The following MACROD2 variants were observed in gnomAD, a reference collection of about 807,000 sequenced individuals.
MACROD2 encodes the protein mono-ADP ribosylhydrolase 2, also known as ADP-ribose glycohydrolase MACROD2.
Under a neutral mutation model 70.4 loss-of-function variants are expected in MACROD2, and 36 were observed. The ratio of observed to expected loss-of-function variants is 0.51; its 90% confidence interval spans 0.39 to 0.68. MACROD2 has a LOEUF of 0.68. MACROD2 is among the 30% of genes least tolerant of loss of function. The probability of loss-of-function intolerance (pLI) is 0.00; values close to 1 mark genes in which losing one functional copy is unlikely to be tolerated. For missense variants in MACROD2, 496 were observed against 538.4 expected (o/e 0.92, Z 0.78); for synonymous variants, 172 against 178.8 (o/e 0.96, Z 0.30).
intron 5 of MACROD2, among the ~76,000 whole-genome samples, chr20:14,816,295 C>T (rs142556681): frequency 6.9e-4 from 105 of 152,046 alleles, no homozygotes; most frequent in African/African-American, 2.4e-3. Context: ...CTCTGATTTC[C>T]AAACATCTGT....
intron 5 of MACROD2, among the ~76,000 whole-genome samples, chr20:14,771,461 T>C (rs1436701030): frequency 1.3e-5 from 2 of 151,972 alleles, no homozygotes; most frequent in Non-Finnish European, 2.9e-5. Flanking sequence ...ACCCAAAGAA[T>C]TTTATTTTCA....
Position 14,026,374 on chromosome 20 carries a change from A to T in MACROD2, c.163+23970A>T, listed in dbSNP as rs143925338. Reference sequence around the variant, plus strand: ...GTTAATATTGTTATGTGTAAATTTGATCCTGTCATTATGATGGTAGCTGGT... The same window carrying T: ...GTTAATATTGTTATGTGTAAATTTGTTCCTGTCATTATGATGGTAGCTGGT... On this transcript the variant is annotated intron_variant, in intron 2 of 17. Coordinates refer to ENST00000684519, the MANE Select transcript of MACROD2 (RefSeq NM_001351661.2). Among the ~76,000 whole-genome samples the T allele has an allele frequency of 4.2e-3, 634 of 152,268 alleles. 3 individuals are homozygous for T. The highest frequency in any genetic ancestry group is 7.1e-3 in the Non-Finnish European group (485 of 68,030).
intron 4 of MACROD2, among the ~76,000 whole-genome samples, chr20:14,604,312 G>A (rs1280881650): frequency 6.6e-6 from 1 of 152,156 alleles, no homozygotes; most frequent in East Asian, 1.9e-4. Context: ...GCTTCCAACT[G>A]TCACACAGTG....
At chr20:15,904,880 CAAAAAAAAAAAAA>C (rs10556594) in intron 10 of MACROD2, among the ~76,000 whole-genome samples, 6 of 129,020 alleles carry the variant, frequency 4.7e-5, no homozygotes, top group Admixed American at 7.9e-5. Context: ...GACTCTGTCT[CAAAAAAAAAAAAA>C]AAAAAAAAAA....
chr20:14,159,600 T>A (rs967990717), intron 3 of MACROD2, among the ~76,000 whole-genome samples: 52 of 152,368 alleles, frequency 3.4e-4, no homozygotes, highest in African/African-American at 1.2e-3. Flanking sequence ...TGAAATTATT[T>A]ATCAGGTCTA....
chr20:15,333,889 T>C (rs1270519358), intron 6 of MACROD2, among the ~76,000 whole-genome samples: 1 of 151,688 alleles, frequency 6.6e-6, no homozygotes, highest in Non-Finnish European at 1.5e-5. Flanking sequence ...AAAAAAATGC[T>C]TTCTGAGAAC....
At chr20:15,986,678 G>A (rs2066487895) in intron 13 of MACROD2, 49 bp from the exon 14 acceptor site, 9 of 1,420,636 alleles carry the variant, frequency 6.3e-6, no homozygotes, top group South Asian at 2.4e-5. Context: ...ATAAAGCTAC[G>A]GTCATGCATA....
Position 14,724,649 on chromosome 20 carries a change from T to G in MACROD2, c.418+39690T>G, listed in dbSNP as rs901428236. Among the ~76,000 whole-genome samples, 4 of 152,200 alleles carry G rather than the reference T, an allele frequency of 2.6e-5. No homozygotes were observed. The South Asian group carries it at 8.3e-4, about 32-fold the overall frequency. On this transcript the variant is annotated intron_variant, in intron 5 of 17. Transcript: ENST00000684519. ...AGAGCATTCAAGCAAAGGAAACACA[T>G]ATGGTAACAATTCTGTGCTAAGAAT...
rs142798337 is a variant in MACROD2 at position 15,418,452 on chromosome 20, G to A, written c.541-12953G>A. Among the ~76,000 whole-genome samples, 335 of 152,288 alleles carry A rather than the reference G, an allele frequency of 2.2e-3. 1 individual carries two copies. Among genetic ancestry groups the A allele is most frequent in the African/African-American group, 7.6e-3 (314 of 41,562 alleles). Reference sequence around the variant, plus strand: ...TTGATTGCTCTATCCATAGCACCTGGCCCATAGGTTCTTTGGAACCTCACC... The same window carrying A: ...TTGATTGCTCTATCCATAGCACCTGACCCATAGGTTCTTTGGAACCTCACC... On this transcript the variant is annotated intron_variant, in intron 6 of 17. Transcript: ENST00000684519.
intron 3 of MACROD2, among the ~76,000 whole-genome samples, chr20:14,381,665 A>G (rs1222225349): frequency 1.3e-5 from 2 of 152,226 alleles, no homozygotes; most frequent in Non-Finnish European, 2.9e-5. Flanking sequence ...GGTGTTTCCT[A>G]TATGAATGTG....
Position 14,480,063 on chromosome 20 carries a change from A to G in MACROD2, c.272-13416A>G, listed in dbSNP as rs535241982. Among the ~76,000 whole-genome samples, 4 of 152,088 alleles carry G rather than the reference A, an allele frequency of 2.6e-5. No homozygotes were observed. In the East Asian group the frequency reaches 5.8e-4, roughly 22 times the overall value. On this transcript the variant is annotated intron_variant, in intron 3 of 17. Coordinates refer to ENST00000684519, the MANE Select transcript of MACROD2 (RefSeq NM_001351661.2). ...CAGCAATGTATTTGTTTATTTATTT[A>G]TTGTAGAGACAGAGTCTCTCTATGT...
At chr20:15,277,623 ATGC>A (rs2077405161) in intron 6 of MACROD2, among the ~76,000 whole-genome samples, 3 of 152,334 alleles carry the variant, frequency 2.0e-5, no homozygotes, top group Admixed American at 6.5e-5. Flanking sequence ...GGTGATTCTG[ATGC>A]TGCTGGTCCA....
chr20:14,331,390 C>T (rs1437462420), intron 3 of MACROD2, among the ~76,000 whole-genome samples: 1 of 152,086 alleles, frequency 6.6e-6, no homozygotes, highest in Non-Finnish European at 1.5e-5. Context: ...GCTGCTTTCT[C>T]TATTCTGTTT....
At chr20:14,160,482 C>G (rs1426577775) in intron 3 of MACROD2, among the ~76,000 whole-genome samples, 1 of 152,046 alleles carries the variant, frequency 6.6e-6, no homozygotes, top group Non-Finnish European at 1.5e-5. Context: ...ATTAATTTAT[C>G]TCCTCTAGGT....
intron 5 of MACROD2, among the ~76,000 whole-genome samples, chr20:15,066,927 A>T (rs2075581110): frequency 6.6e-6 from 1 of 151,956 alleles, no homozygotes; most frequent in South Asian, 2.1e-4. Context: ...ACAGGCTCTT[A>T]TTTAAATCTA....
chr20:15,663,996 G>A (rs455659), intron 8 of MACROD2, among the ~76,000 whole-genome samples: 62,966 of 152,086 alleles, frequency 0.41, 13,301 homozygotes, highest in Non-Finnish European at 0.46. Context: ...CCTGTAAGAT[G>A]TAACTCACAG....
chr20:15,991,964 A>G (rs1202176322), intron 15 of MACROD2, among the ~76,000 whole-genome samples: 1 of 152,196 alleles, frequency 6.6e-6, no homozygotes, highest in Non-Finnish European at 1.5e-5. Context: ...GGTTTTCTAC[A>G]TGTCTCTATG....
chr20:15,876,395 A>G (rs556588561), intron 9 of MACROD2, among the ~76,000 whole-genome samples: 2 of 152,034 alleles, frequency 1.3e-5, no homozygotes, highest in Non-Finnish European at 2.9e-5. Flanking sequence ...TAGTTTGCTG[A>G]GAATGATGGT....
intron 5 of MACROD2, chr20:14,685,173 A>G (rs964403155): frequency 2.0e-5 from 4 of 200,448 alleles, no homozygotes; most frequent in Non-Finnish European, 2.9e-5. Context: ...TATTATATAT[A>G]TATATGTATA....
Sources: allele counts gnomAD v4.1 joint callset (sites outside exome capture counted in the v4.1 genomes callset), GRCh38; gene constraint gnomAD v4.1.1; transcripts MANE v1.5; gene names NCBI Gene and HGNC (gene_info 2026-07-23, HGNC 2026-07-21).